PDZRN3: variants seen among roughly 807,000 people sequenced by gnomAD.
The protein encoded by PDZRN3 is E3 ubiquitin-protein ligase PDZRN3.
In PDZRN3, 38 loss-of-function variants were observed where a neutral mutation model predicts 85.7. The ratio of observed to expected loss-of-function variants is 0.44; its 90% CI spans 0.34 to 0.58. The LOEUF is 0.58. PDZRN3 is among the 20% of genes least tolerant of loss of function. PDZRN3 has a pLI of 0.01. For synonymous variants in PDZRN3, 759 were observed against 638.0 expected (o/e 1.19, Z -2.86); for missense variants, 1,629 against 1,506.4 (o/e 1.08, Z -1.35).
At chr3:73,438,631 ACC>A (rs1702575735) in intron 3 of PDZRN3, among the ~76,000 whole-genome samples, 2 of 152,184 alleles carry the variant, frequency 1.3e-5, no homozygotes, top group Non-Finnish European at 2.9e-5. Context: ...AATCTCTCAG[ACC>A]TGCCCGCTGG....
chr3:73,624,565 G>T lies in PDZRN3; in HGVS notation c.261C>A (p.Arg87=). Residue 87 remains arginine, a synonymous_variant, in exon 1 of 10, where the codon CGC becomes CGA. Transcript: ENST00000263666. ...GCAGCTTGACCACCCGGCCGCAGCC[G>T]CGCGTCGCGTACGCGCACTTGATGT... ...KLDIKCAYAT[R]GCGRVVKLQQ... is the part of the protein sequence containing the mutation. 1 of 1,533,200 alleles carries T rather than the reference G, an allele frequency of 6.5e-7. No homozygotes were observed. 95.0% of individuals were successfully genotyped at this position (1,533,200 alleles called of 1,614,324 possible). A position where few individuals can be genotyped will look rare whatever the true frequency, so the allele number is the denominator to read the frequency against.
intron 3 of PDZRN3, among the ~76,000 whole-genome samples, chr3:73,546,336 C>A (rs1047992271): frequency 6.6e-6 from 1 of 152,188 alleles, no homozygotes; most frequent in Non-Finnish European, 1.5e-5. Context: ...AAAACGAAGA[C>A]AATCTCACCA....
At chr3:73,439,730 A>G (rs1702597174) in intron 3 of PDZRN3, among the ~76,000 whole-genome samples, 1 of 151,380 alleles carries the variant, frequency 6.6e-6, no homozygotes, top group South Asian at 2.1e-4. Context: ...AGGCCCTCAT[A>G]TTTTATTTTA....
intron 3 of PDZRN3, among the ~76,000 whole-genome samples, chr3:73,507,162 G>A (rs1170990573): frequency 1.1e-5 from 1 of 90,906 alleles, no homozygotes; most frequent in East Asian, 3.4e-4. Flanking sequence ...TATAAGCATA[G>A]ATTTCATTCT....
intron 1 of PDZRN3, among the ~76,000 whole-genome samples, chr3:73,615,206 C>T (rs1559758591): frequency 2.0e-5 from 3 of 152,250 alleles, no homozygotes; most frequent in East Asian, 3.9e-4. Context: ...GTACTTTCCT[C>T]GTTTAAAAAA....
In PDZRN3 at chr3:73,486,681, C is replaced by T. The variant is rs949117454; in HGVS notation, c.919-82286G>A. 2.6e-5 allele frequency among the ~76,000 whole-genome samples: 4 copies of T among 152,136 alleles called. No homozygotes were observed. In the South Asian group the frequency reaches 8.3e-4, roughly 32 times the overall value. On this transcript the variant is annotated intron_variant, in intron 3 of 9. Transcript: ENST00000263666. ...GGAAAAAGTCATACATGCAATTTGT[C>T]AGGTCTATGAAAGTTTCCTCAATGT...
At chr3:73,453,172 C>G (rs997215721) in intron 3 of PDZRN3, among the ~76,000 whole-genome samples, 5 of 151,920 alleles carry the variant, frequency 3.3e-5, no homozygotes, top group Non-Finnish European at 7.4e-5. Context: ...CTTTGGGAGG[C>G]CAAGGCAGGC....
Position 73,385,748 on chromosome 3 carries a change from A to G in PDZRN3, c.1556T>C (p.Phe519Ser), listed in dbSNP as rs1485301681. 2.5e-6 allele frequency: 4 copies of G among 1,613,858 alleles called. No individual in the cohort carries two copies. In the Admixed American group the frequency reaches 6.7e-5, roughly 27 times the overall value. ...CATGTCCATGTGCAGGTCATCCAGA[A>G]AGTCGTTCCTGTCATCATCCATCCA... is the stretch of plus-strand genomic sequence containing the variant. ...EGWMDDDRND[F>S]LDDLHMDMLE... is the part of the protein sequence containing the mutation. The change falls in exon 9 of 10, where the codon TTT becomes TCT. Residue 519 changes from phenylalanine to serine, a missense_variant. Transcript: ENST00000263666.
intron 3 of PDZRN3, among the ~76,000 whole-genome samples, chr3:73,436,225 A>G (rs970588657): frequency 2.6e-5 from 4 of 152,134 alleles, no homozygotes; most frequent in African/African-American, 9.7e-5. Flanking sequence ...CTTAACGCTT[A>G]TGTGTTTGCT....
chr3:73,565,222 A>T (rs893378681), intron 3 of PDZRN3, among the ~76,000 whole-genome samples: 16 of 149,134 alleles, frequency 1.1e-4, no homozygotes, highest in African/African-American at 4.0e-4. Context: ...TCTGCCTCCT[A>T]GGTTCAAGCA....
chr3:73,575,812 A>G (rs1702114871), intron 3 of PDZRN3, among the ~76,000 whole-genome samples: 1 of 152,152 alleles, frequency 6.6e-6, no homozygotes, highest in Non-Finnish European at 1.5e-5. Context: ...CTGATCCCTG[A>G]GTTTTTAAAT....
At chr3:73,567,879 T>C (rs746500772) in intron 3 of PDZRN3, among the ~76,000 whole-genome samples, 9 of 152,234 alleles carry the variant, frequency 5.9e-5, no homozygotes, top group South Asian at 4.1e-4. Flanking sequence ...GGAGTTTATG[T>C]GTTTTTGTTC....
intron 3 of PDZRN3, among the ~76,000 whole-genome samples, chr3:73,576,966 T>C (rs906047950): frequency 1.3e-5 from 2 of 152,216 alleles, no homozygotes; most frequent in Non-Finnish European, 1.5e-5. Context: ...TAGCACTGAT[T>C]ACAGGGTTGT....
At chr3:73,538,647 G>A (rs1704845897) in intron 3 of PDZRN3, among the ~76,000 whole-genome samples, 1 of 152,216 alleles carries the variant, frequency 6.6e-6, no homozygotes, top group East Asian at 1.9e-4. Context: ...CTTATGTCAG[G>A]CAATGCAGTT....
At chr3:73,393,239 G>T (rs890900530) in intron 5 of PDZRN3, among the ~76,000 whole-genome samples, 13 of 152,100 alleles carry the variant, frequency 8.5e-5, no homozygotes, top group Non-Finnish European at 1.8e-4. Context: ...AGAAAGACAA[G>T]AAATGTTGAT....
chr3:73,530,024 AT>A (rs1704617256), intron 3 of PDZRN3, among the ~76,000 whole-genome samples: 1 of 152,192 alleles, frequency 6.6e-6, no homozygotes, highest in Non-Finnish European at 1.5e-5. Context: ...CATCATCATT[AT>A]TAGCATGATT....
At chr3:73,619,492 A>G (rs1165880211) in intron 1 of PDZRN3, among the ~76,000 whole-genome samples, 1 of 152,220 alleles carries the variant, frequency 6.6e-6, no homozygotes, top group African/African-American at 2.4e-5. Context: ...AGAAAGAACC[A>G]TTGTCTAGTG....
chr3:73,504,115 C>T (rs4449252), intron 3 of PDZRN3, among the ~76,000 whole-genome samples: 6,541 of 152,218 alleles, frequency 0.043, 456 homozygotes, highest in African/African-American at 0.15. Flanking sequence ...TGTGTGTCTG[C>T]TTTTCTTGAG....
At chr3:73,430,119 G>A (rs1184680352) in intron 3 of PDZRN3, among the ~76,000 whole-genome samples, 1 of 152,182 alleles carries the variant, frequency 6.6e-6, no homozygotes, top group Non-Finnish European at 1.5e-5. Context: ...CTGACTCCCA[G>A]TCCCACTATA....
Sources: gnomAD v4.1 joint callset for allele counts (sites outside exome capture counted in the v4.1 genomes callset) on GRCh38, gnomAD v4.1.1 for gene constraint, MANE v1.5 for transcripts, NCBI Gene and HGNC (gene_info 2026-07-23, HGNC 2026-07-21) for gene names.